GLYATL3: variants seen among roughly 807,000 people sequenced by gnomAD.
GLYATL3 encodes the protein glycine N-acyltransferase-like protein 3.
Under a neutral mutation model 28.5 loss-of-function variants are expected in GLYATL3, and 31 were observed. That is an observed-to-expected ratio of 1.09 (90% CI 0.82 to 1.47). The LOEUF (loss-of-function observed/expected upper bound fraction) is 1.47. GLYATL3 is among the 40% of genes most tolerant of loss of function. The probability of loss-of-function intolerance (pLI) is 0.00; values close to 1 mark genes in which losing one functional copy is unlikely to be tolerated. For missense variants in GLYATL3, 369 were observed against 351.5 expected, an observed-to-expected ratio of 1.05 and a Z score of -0.40; for synonymous variants, 141 against 140.2, an observed-to-expected ratio of 1.01 and a Z score of -0.04.
intron 5 of GLYATL3, among the ~76,000 whole-genome samples, chr6:49,524,968 C>CAAAAA (rs911424000): frequency 2.1e-4 from 9 of 43,648 alleles, no homozygotes; most frequent in African/African-American, 4.8e-4. Context: ...GACTCCCTCT[C>CAAAAA]AAAAAAAAAA....
At position 49,524,851 on chromosome 6, in the gene GLYATL3, G is replaced by A. The variant is rs559801070; in HGVS notation, c.441-1637G>A. Among the ~76,000 whole-genome samples the A allele has an allele frequency of 6.6e-5, 10 of 151,446 alleles. No individual in the cohort carries two copies. In the East Asian group the frequency reaches 7.8e-4, roughly 12 times the overall value. ...AAAAATTAGCTGGGCATGTTGGCACGCGCCTGTCATCCCAGCTGCTTGGGA... is the reference window on the plus strand; with the variant it reads ...AAAAATTAGCTGGGCATGTTGGCACACGCCTGTCATCCCAGCTGCTTGGGA... On this transcript the variant is annotated intron_variant, in intron 5 of 5. Transcript: ENST00000371197.
intron 1 of GLYATL3, among the ~76,000 whole-genome samples, chr6:49,500,601 C>T (rs897729621): frequency 6.6e-6 from 1 of 152,060 alleles, no homozygotes; most frequent in Non-Finnish European, 1.5e-5. Flanking sequence ...CACTCAAATG[C>T]CCCCAAAGAA....
chr6:49,501,685 G>A (rs1768915738), intron 1 of GLYATL3, among the ~76,000 whole-genome samples: 1 of 152,112 alleles, frequency 6.6e-6, no homozygotes, highest in South Asian at 2.1e-4. Context: ...AGCAAAAGCT[G>A]GTTACAAACA....
rs990016024 is a variant in GLYATL3, at chr6:49,509,808, A to T, written c.-28-2155A>T. 2.0e-5 allele frequency among the ~76,000 whole-genome samples: 3 copies of T among 152,194 alleles called. No homozygotes were observed. The South Asian group carries it at 6.2e-4, about 31-fold the overall frequency. ...TGATTAAGGATGATCAATTGTATAC[A>T]TAGGATTATGTTCCATGCTCCATAC... On this transcript the variant is annotated intron_variant, in intron 1 of 5. Coordinates refer to ENST00000371197, the MANE Select transcript of GLYATL3 (RefSeq NM_001010904.2).
intron 1 of GLYATL3, 25 bp from the exon 2 acceptor site, chr6:49,511,938 T>C: frequency 1.2e-6 from 1 of 855,310 alleles, no homozygotes; most frequent in Non-Finnish European, 1.8e-6. Context: ...AAAAATTAAA[T>C]GCCTACCTTC....
chr6:49,502,782 AAAAT>A (rs1768937940), intron 1 of GLYATL3, among the ~76,000 whole-genome samples: 1 of 152,222 alleles, frequency 6.6e-6, no homozygotes, highest in Admixed American at 6.5e-5. Context: ...AATTAATGTA[AAAAT>A]AAATAATTTA....
chr6:49,523,223 C>G (rs1769346112), intron 5 of GLYATL3, among the ~76,000 whole-genome samples: 1 of 152,204 alleles, frequency 6.6e-6, no homozygotes. Flanking sequence ...TGGAGTCACA[C>G]AGAATGTGCT....
intron 5 of GLYATL3, among the ~76,000 whole-genome samples, chr6:49,526,187 G>A (rs1561981132): frequency 6.6e-6 from 1 of 152,072 alleles, no homozygotes; most frequent in Non-Finnish European, 1.5e-5. Flanking sequence ...AGGCCGGGAG[G>A]GGTGAATCAC....
chr6:49,526,374 C>T (rs908165097), intron 5 of GLYATL3, 114 bp from the exon 6 acceptor site: 8 of 851,858 alleles, frequency 9.4e-6, no homozygotes, highest in Non-Finnish European at 1.5e-5. Flanking sequence ...GATCACGCCA[C>T]TGCACTCCAG....
chr6:49,509,800 T>C (rs1769079612), intron 1 of GLYATL3, among the ~76,000 whole-genome samples: 1 of 152,196 alleles, frequency 6.6e-6, no homozygotes, highest in Non-Finnish European at 1.5e-5. Context: ...GGATGATCAA[T>C]TGTATACATA....
chr6:49,502,408 C>T (rs963822836), intron 1 of GLYATL3, among the ~76,000 whole-genome samples: 1 of 152,176 alleles, frequency 6.6e-6, no homozygotes, highest in Non-Finnish European at 1.5e-5. Flanking sequence ...TTTTAGCTTG[C>T]TTATGTCTAA....
intron 1 of GLYATL3, among the ~76,000 whole-genome samples, chr6:49,508,274 C>T (rs538044598): frequency 1.6e-4 from 25 of 152,184 alleles, no homozygotes; most frequent in Admixed American, 7.2e-4. Context: ...CCAGCCTGGG[C>T]GACACAGTGA....
rs551717163 is a variant in GLYATL3, at chr6:49,527,658, A to G, written c.*744A>G. Among the ~76,000 whole-genome samples, 1 of 152,302 alleles carries G rather than the reference A, an allele frequency of 6.6e-6. No individual in the cohort carries two copies. Among genetic ancestry groups the G allele is most frequent in the Admixed American group, 6.5e-5 (1 of 15,298 alleles). On this transcript the variant is annotated 3_prime_UTR_variant, in exon 6 of 6. Coordinates refer to ENST00000371197, the MANE Select transcript of GLYATL3 (RefSeq NM_001010904.2). ...GACAATATGGGCATTTTGATGCTAT[A>G]AACAAATGCTGTCACCATAGAACTA...
chr6:49,526,669 C>T lies in GLYATL3; in HGVS notation c.622C>T (p.Gln208Ter). ...CCCGGTCTCCTGGTCCATCACAGAC[C>T]AGTTTGCCACCATGTGCCATGGCTA... ...GNPVSWSITD[Q>*]FATMCHGYTL... Residue 208 changes from glutamine to a stop codon, truncating the protein, a stop_gained, in exon 6 of 6, where the codon CAG (glutamine) becomes TAG (stop). Coordinates refer to ENST00000371197, the MANE Select transcript of GLYATL3 (RefSeq NM_001010904.2). LOFTEE classifies it high-confidence loss of function. 6.4e-7 allele frequency: 1 copy of T among 1,551,826 alleles called. No homozygotes were observed. Among genetic ancestry groups the T allele is most frequent in the South Asian group, 1.2e-5 (1 of 84,058 alleles).
chr6:49,508,461 A>G (rs1361268125), intron 1 of GLYATL3, among the ~76,000 whole-genome samples: 5 of 152,218 alleles, frequency 3.3e-5, no homozygotes, highest in Non-Finnish European at 7.3e-5. Context: ...TAGACCAGAA[A>G]TCTTCAGAAG....
At chr6:49,510,215 T>C (rs1014161380) in intron 1 of GLYATL3, among the ~76,000 whole-genome samples, 13 of 151,858 alleles carry the variant, frequency 8.6e-5, no homozygotes, top group African/African-American at 3.1e-4. Context: ...GCTAATTTTG[T>C]ATTTTTAGTA....
chr6:49,526,796 T>C lies in GLYATL3; in HGVS notation c.749T>C (p.Leu250Pro). 6.4e-7 allele frequency: 1 copy of C among 1,552,074 alleles called. No individual in the cohort carries two copies. The highest frequency in any genetic ancestry group is 8.7e-7 in the Non-Finnish European group (1 of 1,147,064). Residue 250 changes from leucine to proline, a missense_variant, in exon 6 of 6, where the codon CTG (leucine) becomes CCG (proline). Coordinates refer to ENST00000371197, the MANE Select transcript of GLYATL3 (RefSeq NM_001010904.2). ...GGATTCCCCTCTCAGGGGAACGTCC[T>C]GGATGACAACACGGCGTCTATAAGC... ...SRGFPSQGNV[L>P]DDNTASISLL...
chr6:49,526,726 A>G lies in GLYATL3; in HGVS notation c.679A>G (p.Ser227Gly). 6.4e-7 allele frequency: 1 copy of G among 1,551,758 alleles called. No individual in the cohort carries two copies. The highest frequency in any genetic ancestry group is 8.7e-7 in the Non-Finnish European group (1 of 1,147,010). ...TLPEHRRKGY[S>G]RLVALTLARK... ...GCCAGAACATCGCAGGAAAGGTTAC[A>G]GCCGGCTGGTGGCCCTCACGCTGGC... is the stretch of plus-strand genomic sequence containing the variant. Residue 227 changes from serine (S) to glycine (G), a missense_variant, in exon 6 of 6, where the codon AGC becomes GGC. Transcript: ENST00000371197.
chr6:49,510,503 T>A (rs1014027175), intron 1 of GLYATL3, among the ~76,000 whole-genome samples: 3 of 152,230 alleles, frequency 2.0e-5, no homozygotes, highest in African/African-American at 7.2e-5. Context: ...GAGGTTCACA[T>A]TCCACTGCCC....
Sources: gnomAD v4.1 joint callset for allele counts (sites outside exome capture counted in the v4.1 genomes callset) on GRCh38, gnomAD v4.1.1 for gene constraint, MANE v1.5 for transcripts, NCBI Gene and HGNC (gene_info 2026-07-23, HGNC 2026-07-21) for gene names.